DACT3: variants seen among roughly 807,000 people sequenced by gnomAD.
DACT3 encodes dishevelled binding antagonist of beta catenin 3.
Under a neutral mutation model 19.6 loss-of-function variants are expected in DACT3, and 5 were observed. The ratio of observed to expected loss-of-function variants is 0.26; its 90% CI spans 0.13 to 0.54. DACT3 has a LOEUF of 0.54. Ranked by LOEUF, DACT3 falls within the 20% of genes least tolerant of loss-of-function variation. The probability of loss-of-function intolerance (pLI) is 0.95; values close to 1 mark genes in which losing one functional copy is unlikely to be tolerated. For missense variants in DACT3, 908 were observed against 927.4 expected, an observed-to-expected ratio of 0.98 and a Z score of 0.27; for synonymous variants, 454 against 428.1, an observed-to-expected ratio of 1.06 and a Z score of -0.75.
intron 1 of DACT3, among the ~76,000 whole-genome samples, chr19:46,656,536 G>A (rs1328479129): frequency 6.6e-6 from 1 of 152,016 alleles, no homozygotes; most frequent in Non-Finnish European, 1.5e-5. Flanking sequence ...TTTTTGTAGA[G>A]ACAGGGTCTC....
In DACT3 at chr19:46,659,254, G is replaced by A. The variant is rs568947571; in HGVS notation, c.249+1562C>T. The A allele has an allele frequency of 7.1e-6, 7 of 984,570 alleles. No individual in the cohort carries two copies. In the African/African-American group the frequency reaches 1.1e-4, roughly 15 times the overall value. 61.0% of individuals were successfully genotyped at this position (984,570 alleles called of 1,614,324 possible). A position where few individuals can be genotyped will look rare whatever the true frequency, so the allele number is the denominator to read the frequency against. On this transcript the variant is annotated intron_variant, in intron 1 of 3. Transcript: ENST00000391916. The stretch of plus-strand genomic sequence containing the variant: ...TAGAGACTGGGGGGTGGGGGGACAG[G>A]CCTCTCCACTATCAGCTCGTGCCGG...
chr19:46,655,162 G>A (rs959118638), intron 1 of DACT3: 8 of 594,350 alleles, frequency 1.3e-5, no homozygotes, highest in African/African-American at 2.0e-5. Context: ...CGCCTACCTC[G>A]GGAGAATGTT....
At chr19:46,655,925 C>CTCTCTCTCTCTATA (rs980735397) in intron 1 of DACT3, among the ~76,000 whole-genome samples, 5 of 137,898 alleles carry the variant, frequency 3.6e-5, no homozygotes, top group African/African-American at 8.0e-5. Flanking sequence ...CTCTCTCTCT[C>CTCTCTCTCTCTATA]TATATATATA....
intron 1 of DACT3, among the ~76,000 whole-genome samples, chr19:46,657,224 G>A (rs1024834267): frequency 5.3e-5 from 8 of 151,972 alleles, no homozygotes; most frequent in African/African-American, 1.7e-4. Flanking sequence ...AAGCTCTGCT[G>A]CTCCCCAGCT....
chr19:46,649,226 C>A lies in DACT3; in HGVS notation c.1146G>T (p.Leu382=). The change falls in exon 4 of 4, where the codon CTG becomes CTT. Residue 382 remains leucine (L), a synonymous_variant. Coordinates refer to ENST00000391916, the MANE Select transcript of DACT3 (RefSeq NM_145056.3). ...GRAARRKPPP[L]TRGRSVEQSP... is the part of the protein sequence containing the mutation. The stretch of plus-strand genomic sequence containing the variant: ...ACTGCTCCACGCTGCGGCCGCGGGT[C>A]AGTGGCGGCGGTTTGCGGCGGGCGG... 1 of 1,201,468 alleles carries A rather than the reference C, an allele frequency of 8.3e-7. No individual in the cohort carries two copies. Among genetic ancestry groups the A allele is most frequent in the South Asian group, 3.7e-5 (1 of 26,914 alleles). 74.4% of individuals were successfully genotyped at this position (1,201,468 alleles called of 1,614,324 possible).
chr19:46,659,490 G>A (rs2053058221), intron 1 of DACT3: 1 of 985,268 alleles, frequency 1.0e-6, no homozygotes, highest in Non-Finnish European at 1.2e-6. Flanking sequence ...CTTGGGGTGG[G>A]GGGAGCTAGC....
intron 1 of DACT3, chr19:46,654,322 T>TA (rs2053016008): frequency 3.1e-6 from 2 of 647,818 alleles, no homozygotes; most frequent in Admixed American, 1.3e-4. Context: ...CTTGTCTCCC[T>TA]TAAAAATACA....
In DACT3 at chr19:46,648,457, G is replaced by T; in HGVS notation, c.*25C>A. 6.2e-7 allele frequency: 1 copy of T among 1,613,724 alleles called. No individual in the cohort carries two copies. The highest frequency in any genetic ancestry group is 1.1e-5 in the South Asian group (1 of 90,940). On this transcript the variant is annotated 3_prime_UTR_variant, in exon 4 of 4. Coordinates refer to ENST00000391916, the MANE Select transcript of DACT3 (RefSeq NM_145056.3). The surrounding 1 kb of genome is among the most constrained non-coding windows in gnomAD (Gnocchi z 5.1). Reference sequence around the variant, plus strand: ...GTGTGGAGGTGCAGAGGCCATGAAGGGGGAGCCCAAGCAAATCCCCAAACT... The same window carrying T: ...GTGTGGAGGTGCAGAGGCCATGAAGTGGGAGCCCAAGCAAATCCCCAAACT...
In DACT3 at chr19:46,652,956, C is replaced by T. The variant is rs1465160482; in HGVS notation, c.346+23G>A. On this transcript the variant is annotated intron_variant, in intron 2 of 3. Transcript: ENST00000391916. ...GAACATGGAGGCGTCCCAGGCAAAC[C>T]CTACCCCTCCATCCATGCTCACCCG... 7.1e-6 allele frequency: 11 copies of T among 1,549,658 alleles called. No homozygotes were observed. In the South Asian group the frequency reaches 1.3e-4, roughly 18 times the overall value.
Position 46,661,152 on chromosome 19 carries a change from G to T in DACT3, c.-88C>A. On this transcript the variant is annotated 5_prime_UTR_variant, in exon 1 of 4. Coordinates refer to ENST00000391916, the MANE Select transcript of DACT3 (RefSeq NM_145056.3). ...CCCCGCCCCAGCAGCCTGCCCGCCCGCCCGCTGGCCGGGCTGTCACCGTCT... is the reference window on the plus strand; with the variant it reads ...CCCCGCCCCAGCAGCCTGCCCGCCCTCCCGCTGGCCGGGCTGTCACCGTCT... 2 of 1,255,300 alleles carry T rather than the reference G, an allele frequency of 1.6e-6. No individual in the cohort carries two copies. The highest frequency in any genetic ancestry group is 2.0e-6 in the Non-Finnish European group (2 of 989,584). 77.8% of individuals were successfully genotyped at this position (1,255,300 alleles called of 1,614,324 possible).
chr19:46,652,581 C>T (rs780235898), intron 3 of DACT3, 79 bp downstream of exon 3: 26 of 1,438,544 alleles, frequency 1.8e-5, no homozygotes, highest in African/African-American at 1.0e-4. Context: ...AATCCAGGCC[C>T]GATTCGGAAG....
chr19:46,653,973 G>A (rs1016145202), intron 1 of DACT3: 2 of 985,258 alleles, frequency 2.0e-6, no homozygotes, highest in Non-Finnish European at 2.4e-6. Context: ...TCCCCCATAT[G>A]GGTAAAATAG....
chr19:46,657,833 C>T (rs1007269543), intron 1 of DACT3, among the ~76,000 whole-genome samples: 3 of 152,050 alleles, frequency 2.0e-5, no homozygotes, highest in Admixed American at 6.5e-5. Context: ...GGGAGGATCA[C>T]TTGAGGCCAG....
chr19:46,649,165 G>C lies in DACT3; in HGVS notation c.1207C>G (p.Arg403Gly). The change falls in exon 4 of 4, where the codon CGT becomes GGT. Residue 403 changes from arginine to glycine, a missense_variant. By Grantham distance (125) the Arg-to-Gly change is moderately radical. Transcript: ENST00000391916. ...PRERPRAAGRRGRMAEASGRR... is the reference protein window; with the variant it reads ...PRERPRAAGRGGRMAEASGRR... ...CCCGAAGCCTCGGCCATGCGTCCAC[G>C]GCGGCCGGCGGCCCGGGGACGCTCC... The C allele has an allele frequency of 8.2e-7, 1 of 1,223,022 alleles. No homozygotes were observed. Among genetic ancestry groups the C allele is most frequent in the Non-Finnish European group, 1.0e-6 (1 of 982,758 alleles). 75.8% of individuals were successfully genotyped at this position (1,223,022 alleles called of 1,614,324 possible).
At chr19:46,659,914 G>A (rs2053062245) in intron 1 of DACT3, among the ~76,000 whole-genome samples, 1 of 152,174 alleles carries the variant, frequency 6.6e-6, no homozygotes, top group South Asian at 2.1e-4. Flanking sequence ...GGGACACAGA[G>A]ATCACAGAGA....
chr19:46,657,217 C>T (rs1439327836), intron 1 of DACT3, among the ~76,000 whole-genome samples: 2 of 152,032 alleles, frequency 1.3e-5, no homozygotes, highest in Non-Finnish European at 2.9e-5. Context: ...TCACATTAAG[C>T]TCTGCTGCTC....
In DACT3 at chr19:46,648,177, A is replaced by G. The variant is rs777919549; in HGVS notation, c.*305T>C. On this transcript the variant is annotated 3_prime_UTR_variant, in exon 4 of 4. Transcript: ENST00000391916. The surrounding 1 kb of genome is among the most constrained non-coding windows in gnomAD (Gnocchi z 5.1). Reference sequence around the variant, plus strand: ...AAAACGGGGAAATTCAAACCGAATTACCCCTTTTGCATACATGGACACTTA... The same window carrying G: ...AAAACGGGGAAATTCAAACCGAATTGCCCCTTTTGCATACATGGACACTTA... 2 of 342,122 alleles carry G rather than the reference A, an allele frequency of 5.8e-6. No homozygotes were observed. Among genetic ancestry groups the G allele is most frequent in the Non-Finnish European group, 1.1e-5 (2 of 187,022 alleles). The allele number at this position is 342,122 out of a possible 1,614,324, so 21.2% of individuals were successfully genotyped here.
In DACT3 at chr19:46,649,584, C is replaced by CG; in HGVS notation, c.787dup (p.Arg263ProfsTer89). 9.2e-7 allele frequency: 1 copy of CG among 1,092,644 alleles called. No individual in the cohort carries two copies. Among genetic ancestry groups the CG allele is most frequent in the Non-Finnish European group, 1.1e-6 (1 of 896,144 alleles). The allele number at this position is 1,092,644 out of a possible 1,614,324, so 67.7% of individuals were successfully genotyped here. Reference sequence around the variant, plus strand: ...ACTGGTCCGGGGCTGGCCCGCCCCCCGGCGGCGGCGCCTGCGCAGGAGCGC... The same window carrying CG: ...ACTGGTCCGGGGCTGGCCCGCCCCCCGGGCGGCGGCGCCTGCGCAGGAGCGC... On this transcript the variant is annotated frameshift_variant, in exon 4 of 4. Transcript: ENST00000391916. LOFTEE classifies it low-confidence loss of function (END_TRUNC).
chr19:46,652,497 T>C (rs1486066620), intron 3 of DACT3, 163 bp downstream of exon 3: 6 of 806,812 alleles, frequency 7.4e-6, no homozygotes, highest in East Asian at 2.7e-5. Flanking sequence ...TTTTAACAGA[T>C]GGAAAAACAG....
Sources: gnomAD v4.1 joint callset for allele counts (sites outside exome capture counted in the v4.1 genomes callset) on GRCh38, gnomAD v4.1.1 for gene constraint, Gnocchi (gnomAD v3.1) non-coding constraint, MANE v1.5 for transcripts, NCBI Gene and HGNC (gene_info 2026-07-23, HGNC 2026-07-21) for gene names.